TSKS: variants seen among roughly 807,000 people sequenced by gnomAD.
TSKS encodes testis-specific serine kinase substrate.
TSKS carries 27 observed loss-of-function variants against 68.0 expected under a neutral mutation model. That is an observed-to-expected ratio of 0.40 (90% CI 0.29 to 0.55). The LOEUF (loss-of-function observed/expected upper bound fraction) is 0.55. Ranked by LOEUF, TSKS falls within the 20% of genes least tolerant of loss-of-function variation. The pLI is 0.53. For missense variants in TSKS, 806 were observed against 776.0 expected (o/e 1.04, Z -0.46); for synonymous variants, 331 against 340.4 (o/e 0.97, Z 0.30).
Position 49,745,181 on chromosome 19 carries a change from T to G in TSKS, c.1187+21A>C. 1.3e-6 allele frequency: 2 copies of G among 1,556,720 alleles called. 1 individual carries two copies. Among genetic ancestry groups the G allele is most frequent in the South Asian group, 2.3e-5 (2 of 85,594 alleles). ...TGCCCTGCCCCTTCCGGTCTTCCCA[T>G]GCACTGGCCCCAATCCTCACATGGT... On this transcript the variant is annotated intron_variant, in intron 7 of 10. Transcript: ENST00000246801.
At position 49,739,806 on chromosome 19, in the gene TSKS, TG is replaced by T. The variant is rs749002253; in HGVS notation, c.1748del (p.Pro583GlnfsTer?). 3.8e-6 allele frequency: 6 copies of T among 1,560,500 alleles called. No individual in the cohort carries two copies. Among genetic ancestry groups the T allele is most frequent in the Non-Finnish European group, 5.3e-6 (6 of 1,132,606 alleles). The stretch of plus-strand genomic sequence containing the variant: ...GTTCAGGGGCTGAGCCCCCCTGTTT[TG>T]GGGGGGTTCCTGCACTGCTGCCTCC... ...MGGGSSAGTP[P>X]KQGGSAPEQ On this transcript the variant is annotated frameshift_variant, in exon 11 of 11. Coordinates refer to ENST00000246801, the MANE Select transcript of TSKS (RefSeq NM_021733.2). LOFTEE classifies it high-confidence loss of function.
In TSKS at chr19:49,746,729, C is replaced by T. The variant is rs778197975; in HGVS notation, c.733G>A (p.Glu245Lys). Residue 245 changes from glutamate to lysine, a missense_variant, in exon 6 of 11, where the codon GAG becomes AAG. By Grantham distance (56) the Glu-to-Lys change is moderately conservative (BLOSUM62 1). Transcript: ENST00000246801. ...TCCGGCTCCTGCTTCTCCTCCGGCT[C>T]CTGCAGCTCGGCCTCCTGCCGTCGC... ...TPRRQEAELQ[E>K]PEEKQEPEEK... 1 of 1,595,572 alleles carries T rather than the reference C, an allele frequency of 6.3e-7. No homozygotes were observed. Among genetic ancestry groups the T allele is most frequent in the Non-Finnish European group, 8.5e-7 (1 of 1,177,528 alleles).
At position 49,752,849 on chromosome 19, in the gene TSKS, A is replaced by G. The variant is rs376916396; in HGVS notation, c.400-4380T>C. On this transcript the variant is annotated intron_variant, in intron 2 of 10. Transcript: ENST00000246801. ...TTGGGAAAGTTCTGAGAAGGCCCCA[A>G]GCTTTTCACCTCTGGCTGACCTTGA... Among the ~76,000 whole-genome samples, 51 of 152,336 alleles carry G rather than the reference A, an allele frequency of 3.3e-4. No individual in the cohort carries two copies. The East Asian group carries it at 7.9e-3, about 24-fold the overall frequency.
intron 8 of TSKS, among the ~76,000 whole-genome samples, chr19:49,742,908 C>T (rs576719143): frequency 6.6e-6 from 1 of 152,060 alleles, no homozygotes; most frequent in Non-Finnish European, 1.5e-5. Context: ...TACTGTGAGT[C>T]CCCCTTTCCT....
chr19:49,745,470 GGGAC>G, intron 6 of TSKS, 74 bp from the exon 7 acceptor site: 12 of 1,284,962 alleles, frequency 9.3e-6, no homozygotes, highest in South Asian at 1.6e-5. Context: ...CGAGATAGGT[GGGAC>G]AGGACTCACC....
intron 2 of TSKS, 21 bp downstream of exon 2, chr19:49,761,983 G>A (rs751372849): frequency 3.1e-6 from 5 of 1,588,060 alleles, no homozygotes; most frequent in Admixed American, 3.4e-5. Context: ...CTCCCCAGCG[G>A]GTGGTGTGGA....
chr19:49,763,103 T>C lies in TSKS; in HGVS notation c.145A>G (p.Lys49Glu). ...CCGTGGAACGACACGGCCTTCTTTT[T>C]CTTCGGGATCCCCTTGGCCCGGCTG... ...VTSRAKGIPK[K>E]KKAVSFHGVE... The change falls in exon 1 of 11, where the codon AAA becomes GAA. Residue 49 changes from lysine (K) to glutamate (E), a missense_variant. Coordinates refer to ENST00000246801, the MANE Select transcript of TSKS (RefSeq NM_021733.2). This position sits in a 1 kb window ranked among gnomAD's most constrained non-coding sequence, Gnocchi z 4.5. 6.2e-7 allele frequency: 1 copy of C among 1,612,364 alleles called. No individual in the cohort carries two copies. The highest frequency in any genetic ancestry group is 8.5e-7 in the Non-Finnish European group (1 of 1,179,176).
intron 2 of TSKS, among the ~76,000 whole-genome samples, chr19:49,753,130 A>G (rs1697703852): frequency 6.6e-6 from 1 of 152,232 alleles, no homozygotes; most frequent in Non-Finnish European, 1.5e-5. Flanking sequence ...TCTGTTTTTT[A>G]AAAAGCAACT....
rs946260298 is a variant in TSKS, at chr19:49,762,216, A to G, written c.187T>C (p.Ser63Pro). ...VSFHGVEPQMSHQPMHWCLNL... is the reference protein window; with the variant it reads ...VSFHGVEPQMPHQPMHWCLNL... The stretch of plus-strand genomic sequence containing the variant: ...AGGCACCAGTGCATGGGCTGATGGG[A>G]CATCTGGGGCTCCACCCTGCAGAGA... The change falls in exon 2 of 11, where the codon TCC (serine) becomes CCC (proline). Residue 63 changes from serine to proline, a missense_variant. Ser to Pro is a moderately conservative substitution (Grantham distance 74). Coordinates refer to ENST00000246801, the MANE Select transcript of TSKS (RefSeq NM_021733.2). 13 of 1,613,808 alleles carry G rather than the reference A, an allele frequency of 8.1e-6. No homozygotes were observed. Among genetic ancestry groups the G allele is most frequent in the Non-Finnish European group, 1.0e-5 (12 of 1,179,938 alleles).
chr19:49,760,466 G>A lies in TSKS; in HGVS notation c.399+1538C>T, dbSNP rs190602367. Among the ~76,000 whole-genome samples, 1,152 of 151,736 alleles carry A rather than the reference G, an allele frequency of 7.6e-3. 14 individuals are homozygous for A. Among genetic ancestry groups the A allele is most frequent in the African/African-American group, 0.026 (1,072 of 41,354 alleles). On this transcript the variant is annotated intron_variant, in intron 2 of 10. Coordinates refer to ENST00000246801, the MANE Select transcript of TSKS (RefSeq NM_021733.2). ...CTCCACAGTAGCTGGGACTACAGGCGCCCACCACCACAGGCACACACCATC... is the reference window on the plus strand; with the variant it reads ...CTCCACAGTAGCTGGGACTACAGGCACCCACCACCACAGGCACACACCATC...
intron 2 of TSKS, among the ~76,000 whole-genome samples, chr19:49,751,292 A>C (rs1424461626): frequency 1.5e-5 from 2 of 131,722 alleles, no homozygotes; most frequent in African/African-American, 5.8e-5. Context: ...CGACAACGAG[A>C]TTCCATCTCA....
intron 2 of TSKS, among the ~76,000 whole-genome samples, chr19:49,757,874 T>G (rs1246449109): frequency 2.0e-5 from 3 of 151,160 alleles, no homozygotes; most frequent in Non-Finnish European, 4.4e-5. Context: ...CTTTCTACTC[T>G]TTAGGTCTCT....
intron 2 of TSKS, among the ~76,000 whole-genome samples, chr19:49,759,602 G>A (rs2084423341): frequency 6.7e-6 from 1 of 148,416 alleles, no homozygotes; most frequent in African/African-American, 2.5e-5. Context: ...TGCCTGGACT[G>A]TCATGCTGTC....
intron 2 of TSKS, among the ~76,000 whole-genome samples, chr19:49,758,967 T>G (rs1348633242): frequency 6.6e-6 from 1 of 151,752 alleles, no homozygotes; most frequent in South Asian, 2.1e-4. Context: ...AAGCGATTCT[T>G]CTGCCTCAGC....
intron 2 of TSKS, among the ~76,000 whole-genome samples, chr19:49,751,574 G>GA (rs2084351038): frequency 1.3e-5 from 2 of 152,192 alleles, no homozygotes; most frequent in Non-Finnish European, 2.9e-5. Flanking sequence ...CCACAGGGAG[G>GA]AAGCAGAATG....
In TSKS at chr19:49,740,203, C is replaced by T. The variant is rs770594320; in HGVS notation, c.1498-20G>A. ...CAGCTCCTGGGGAGAGGAGCGTAGG[C>T]GTAGCTGGGCTTGCTGGACTGGGCT... On this transcript the variant is annotated intron_variant, in intron 9 of 10. Transcript: ENST00000246801. The T allele has an allele frequency of 2.5e-6, 4 of 1,600,764 alleles. No individual in the cohort carries two copies. Among genetic ancestry groups the T allele is most frequent in the East Asian group, 2.2e-5 (1 of 44,666 alleles).
intron 5 of TSKS, 152 bp from the exon 6 acceptor site, chr19:49,746,950 A>C: frequency 7.1e-7 from 1 of 1,412,400 alleles, no homozygotes; most frequent in South Asian, 1.4e-5. Flanking sequence ...GTCATTAGGG[A>C]GGGGAGGCAC....
chr19:49,762,414 T>C (rs1436305836), intron 1 of TSKS, among the ~76,000 whole-genome samples, 182 bp from the exon 2 acceptor site: 5 of 143,396 alleles, frequency 3.5e-5, no homozygotes, highest in African/African-American at 1.0e-4. Flanking sequence ...TTCTTTCTTT[T>C]TTCTTTCTTT....
chr19:49,745,054 T>C, intron 7 of TSKS, 148 bp downstream of exon 7: 1 of 742,528 alleles, frequency 1.3e-6, no homozygotes, highest in Non-Finnish European at 2.0e-6. Context: ...CCCTTCCTGC[T>C]CTCTAATTGG....
Sources: allele counts gnomAD v4.1 joint callset (sites outside exome capture counted in the v4.1 genomes callset), GRCh38; gene constraint gnomAD v4.1.1; non-coding constraint Gnocchi (gnomAD v3.1); transcripts MANE v1.5; gene names NCBI Gene and HGNC (gene_info 2026-07-23, HGNC 2026-07-21).